RIN3: variants seen among roughly 807,000 people sequenced by gnomAD.
RIN3 encodes the protein RAB5 interacting protein 3.
Under a neutral mutation model 76.3 loss-of-function variants are expected in RIN3, and 54 were observed. The ratio of observed to expected loss-of-function variants is 0.71; its 90% CI spans 0.57 to 0.89. RIN3 has a LOEUF of 0.89. Among genes scored for constraint, RIN3 ranks in the 40% least tolerant of loss-of-function variants. RIN3 has a pLI of 0.00. For missense variants in RIN3, 1,256 were observed against 1,322.1 expected, an observed-to-expected ratio of 0.95 and a Z score of 0.78; for synonymous variants, 576 against 564.0, an observed-to-expected ratio of 1.02 and a Z score of -0.30.
intron 3 of RIN3, among the ~76,000 whole-genome samples, chr14:92,613,169 A>G (rs1364943305): frequency 2.6e-5 from 4 of 152,158 alleles, no homozygotes; most frequent in Non-Finnish European, 5.9e-5. Flanking sequence ...CCCATCTTAC[A>G]GATGGAACCT....
At chr14:92,639,112 G>A (rs1886885562) in intron 4 of RIN3, among the ~76,000 whole-genome samples, 1 of 152,260 alleles carries the variant, frequency 6.6e-6, no homozygotes, top group Non-Finnish European at 1.5e-5. Context: ...GCCTCGTGGT[G>A]AGTGCTAAGC....
In RIN3 at chr14:92,648,472, C is replaced by A. The variant is rs1385979178; in HGVS notation, c.533-3110C>A. Among the ~76,000 whole-genome samples, 1 of 152,360 alleles carries A rather than the reference C, an allele frequency of 6.6e-6. No homozygotes were observed. The highest frequency in any genetic ancestry group is 2.1e-4 in the South Asian group (1 of 4,818). ...CGGGGCTCCTGTGCCCTCCTTCCTG[C>A]CTCCTCTCACTGTCTTGTATTTACA... is the stretch of plus-strand genomic sequence containing the variant. On this transcript the variant is annotated intron_variant, in intron 5 of 9. Transcript: ENST00000216487. This position sits in a 1 kb window ranked among gnomAD's most constrained non-coding sequence, Gnocchi z 4.1.
chr14:92,685,171 G>T lies in RIN3; in HGVS notation c.2631+21G>T. 1 of 1,568,714 alleles carries T rather than the reference G, an allele frequency of 6.4e-7. No individual in the cohort carries two copies. Among genetic ancestry groups the T allele is most frequent in the Non-Finnish European group, 8.7e-7 (1 of 1,152,142 alleles). ...TACAGGTGAGGCCTGAGAGCGGGAG[G>T]GGCCCGGTGGGGCCATGTCCCAGAC... On this transcript the variant is annotated intron_variant, in intron 9 of 9. Transcript: ENST00000216487. The surrounding 1 kb of genome is among the most constrained non-coding windows in gnomAD (Gnocchi z 4.7).
intron 4 of RIN3, among the ~76,000 whole-genome samples, chr14:92,638,661 C>T (rs1180645727): frequency 1.3e-5 from 2 of 152,154 alleles, no homozygotes; most frequent in African/African-American, 4.8e-5. Context: ...TGCCACCCTT[C>T]AAAATTAGAG....
intron 7 of RIN3, among the ~76,000 whole-genome samples, chr14:92,670,912 A>AT (rs1415005209): frequency 3.9e-5 from 6 of 152,112 alleles, no homozygotes; most frequent in Non-Finnish European, 7.4e-5. Flanking sequence ...ATCAAGGTTG[A>AT]TTTTTTTCCT....
intron 7 of RIN3, among the ~76,000 whole-genome samples, chr14:92,664,756 C>A (rs1595496543): frequency 6.6e-6 from 1 of 152,270 alleles, no homozygotes; most frequent in African/African-American, 2.4e-5. Flanking sequence ...GTCCTTTACC[C>A]CAAACGCTTT....
chr14:92,585,447 A>G (rs1348807147), intron 3 of RIN3, among the ~76,000 whole-genome samples: 1 of 152,160 alleles, frequency 6.6e-6, no homozygotes, highest in Admixed American at 6.5e-5. Context: ...CCCATAGTCC[A>G]GTGGTGATAA....
intron 3 of RIN3, among the ~76,000 whole-genome samples, chr14:92,589,231 T>C (rs556940662): frequency 2.8e-4 from 42 of 152,198 alleles, no homozygotes; most frequent in Non-Finnish European, 5.3e-4. Context: ...CTCTTTTGCA[T>C]GTATTGTGTT....
intron 1 of RIN3, among the ~76,000 whole-genome samples, chr14:92,527,565 C>T (rs1179727868): frequency 1.3e-5 from 2 of 152,088 alleles, no homozygotes; most frequent in Non-Finnish European, 2.9e-5. Context: ...CTTTAGTGTA[C>T]GTTTCTGCAC....
Position 92,539,592 on chromosome 14 carries a change from G to A in RIN3, c.45-16159G>A, listed in dbSNP as rs546215137. ...CAGTACCGGGGACAGGATTGGTACCGTCACCTGTAAGCTTGGGCCTGGTGG... is the reference window on the plus strand; with the variant it reads ...CAGTACCGGGGACAGGATTGGTACCATCACCTGTAAGCTTGGGCCTGGTGG... On this transcript the variant is annotated intron_variant, in intron 1 of 9. Transcript: ENST00000216487. Among the ~76,000 whole-genome samples the A allele has an allele frequency of 1.2e-4, 19 of 152,248 alleles. No individual in the cohort carries two copies. In the South Asian group the frequency reaches 2.1e-3, roughly 17 times the overall value.
At chr14:92,546,990 T>TTTA (rs139354051) in intron 1 of RIN3, among the ~76,000 whole-genome samples, 17,444 of 95,030 alleles carry the variant, frequency 0.18, 2,462 homozygotes, top group Middle Eastern at 0.25. Flanking sequence ...TTATTTTTAT[T>TTTA]TTATTATTAT....
At chr14:92,525,518 G>T (rs1896706449) in intron 1 of RIN3, among the ~76,000 whole-genome samples, 1 of 152,132 alleles carries the variant, frequency 6.6e-6, no homozygotes, top group Admixed American at 6.5e-5. Flanking sequence ...CCAAAGAGGG[G>T]GGTGAAAGGG....
intron 3 of RIN3, among the ~76,000 whole-genome samples, chr14:92,612,974 G>T (rs1035256765): frequency 7.9e-5 from 12 of 152,218 alleles, no homozygotes; most frequent in African/African-American, 2.9e-4. Flanking sequence ...GTGCCAGGGG[G>T]CACAGAAGGG....
intron 5 of RIN3, among the ~76,000 whole-genome samples, chr14:92,646,116 G>A (rs1201456135): frequency 6.6e-6 from 1 of 152,118 alleles, no homozygotes; most frequent in East Asian, 1.9e-4. Flanking sequence ...CGACTAAAGG[G>A]CTTTCCTCAT....
intron 1 of RIN3, among the ~76,000 whole-genome samples, chr14:92,546,029 G>A (rs1365202182): frequency 3.3e-5 from 5 of 151,774 alleles, no homozygotes; most frequent in African/African-American, 4.8e-5. Flanking sequence ...GGGTTTAAGC[G>A]ATTCTCCTGC....
chr14:92,630,343 T>C (rs1886529057), intron 4 of RIN3, among the ~76,000 whole-genome samples: 1 of 151,930 alleles, frequency 6.6e-6, no homozygotes, highest in South Asian at 2.1e-4. Flanking sequence ...AATGGAAAAA[T>C]TAGCCGGGTG....
intron 2 of RIN3, among the ~76,000 whole-genome samples, chr14:92,576,701 C>G (rs919473169): frequency 1.3e-5 from 2 of 152,192 alleles, no homozygotes; most frequent in Non-Finnish European, 2.9e-5. Context: ...TCAGAGAGTA[C>G]CTCAGTTCCT....
rs370829156 is a variant in RIN3 at position 92,555,972 on chromosome 14, C to T, written c.249+17C>T. ...GTGGCTGGGGTGAGTGGGGGCGTCTCCCACTTGGTAGGCACACACACCTGT... is the reference window on the plus strand; with the variant it reads ...GTGGCTGGGGTGAGTGGGGGCGTCTTCCACTTGGTAGGCACACACACCTGT... On this transcript the variant is annotated intron_variant, in intron 2 of 9. Coordinates refer to ENST00000216487, the MANE Select transcript of RIN3 (RefSeq NM_024832.5). 3.2e-5 allele frequency: 52 copies of T among 1,606,384 alleles called. No individual in the cohort carries two copies. The African/African-American group carries it at 6.3e-4, about 19-fold the overall frequency.
At chr14:92,616,586 C>T (rs1435671070) in intron 4 of RIN3, among the ~76,000 whole-genome samples, 1 of 149,852 alleles carries the variant, frequency 6.7e-6, no homozygotes, top group Non-Finnish European at 1.5e-5. Flanking sequence ...GACCAATGAT[C>T]TTTTTTTTTC....
Sources: gnomAD v4.1 joint callset for allele counts (sites outside exome capture counted in the v4.1 genomes callset) on GRCh38, gnomAD v4.1.1 for gene constraint, Gnocchi (gnomAD v3.1) non-coding constraint, MANE v1.5 for transcripts, NCBI Gene and HGNC (gene_info 2026-07-23, HGNC 2026-07-21) for gene names.